Variants in BRINP2 observed in about 807,000 individuals in gnomAD.
BRINP2 encodes the protein BMP/retinoic acid-inducible neural-specific protein 2.
In BRINP2, 21 loss-of-function variants were observed where a neutral mutation model predicts 69.2. That is an observed-to-expected ratio of 0.30 (90% CI 0.22 to 0.44). BRINP2 has a LOEUF of 0.44. BRINP2 is among the 20% of genes least tolerant of loss of function. The pLI is 1.00. For synonymous variants in BRINP2, 380 were observed against 394.1 expected (o/e 0.96, Z 0.42); for missense variants, 877 against 986.0 (o/e 0.89, Z 1.48).
chr1:177,247,242 A>G (rs1328859010), intron 2 of BRINP2, among the ~76,000 whole-genome samples: 1 of 152,242 alleles, frequency 6.6e-6, no homozygotes, highest in Non-Finnish European at 1.5e-5. Context: ...GAAAATCAGC[A>G]GTGTGAAACT....
chr1:177,268,323 G>A (rs1342957081), intron 4 of BRINP2, among the ~76,000 whole-genome samples: 2 of 152,174 alleles, frequency 1.3e-5, no homozygotes, highest in Admixed American at 6.5e-5. Flanking sequence ...TCTTTTGTTG[G>A]TGCTACGACA....
At chr1:177,193,215 C>T (rs1453965624) in intron 1 of BRINP2, among the ~76,000 whole-genome samples, 1 of 149,552 alleles carries the variant, frequency 6.7e-6, no homozygotes, top group East Asian at 1.9e-4. Flanking sequence ...ACCTACCCTA[C>T]AGTCAGAAGC....
intron 1 of BRINP2, among the ~76,000 whole-genome samples, chr1:177,203,203 C>A (rs1223890843): frequency 2.0e-5 from 3 of 150,950 alleles, no homozygotes; most frequent in Non-Finnish European, 2.9e-5. Context: ...TGGAAACCAT[C>A]ATTCTCAGCA....
At chr1:177,258,095 A>C (rs2102348307) in intron 4 of BRINP2, among the ~76,000 whole-genome samples, 1 of 152,326 alleles carries the variant, frequency 6.6e-6, no homozygotes, top group South Asian at 2.1e-4. Context: ...GAGTAACATG[A>C]TCTCATGAGT....
chr1:177,214,512 A>C (rs2102313208), intron 1 of BRINP2, among the ~76,000 whole-genome samples: 1 of 152,358 alleles, frequency 6.6e-6, no homozygotes, highest in East Asian at 1.9e-4. Context: ...TAAATTCCAA[A>C]TGATGAACAC....
At chr1:177,263,762 A>G (rs974097970) in intron 4 of BRINP2, among the ~76,000 whole-genome samples, 1 of 152,146 alleles carries the variant, frequency 6.6e-6, no homozygotes, top group African/African-American at 2.4e-5. Context: ...GGTAGGGTAT[A>G]TTTGAGAGAC....
At position 177,281,917 on chromosome 1, in the gene BRINP2, GACA is replaced by G. The variant is rs562998570; in HGVS notation, c.*394_*396del. On this transcript the variant is annotated 3_prime_UTR_variant, in exon 8 of 8. Transcript: ENST00000361539. ...CTTGTCATTCAAGAAAGCAAGAGGG[GACA>G]ACAATGGGAGGGGTCGGAGCTCTTC... The G allele has an allele frequency of 1.5e-3, 257 of 165,886 alleles. No individual in the cohort carries two copies. The highest frequency in any genetic ancestry group is 5.9e-3 in the African/African-American group (247 of 41,988). 10.3% of individuals were successfully genotyped at this position (165,886 alleles called of 1,614,324 possible).
intron 1 of BRINP2, among the ~76,000 whole-genome samples, chr1:177,203,549 A>G (rs987374303): frequency 1.1e-4 from 16 of 152,278 alleles, no homozygotes; most frequent in Admixed American, 2.6e-4. Flanking sequence ...ACAATATGAA[A>G]TAAAGGAATG....
chr1:177,264,485 G>T (rs913752601), intron 4 of BRINP2, among the ~76,000 whole-genome samples: 2 of 152,198 alleles, frequency 1.3e-5, no homozygotes, highest in African/African-American at 4.8e-5. Flanking sequence ...AAGAAATAAA[G>T]CATATTCAAA....
At chr1:177,210,868 T>TC (rs1420699444) in intron 1 of BRINP2, among the ~76,000 whole-genome samples, 3 of 151,632 alleles carry the variant, frequency 2.0e-5, no homozygotes, top group Non-Finnish European at 2.9e-5. Flanking sequence ...GTCATAATTT[T>TC]CTTATACTGA....
intron 1 of BRINP2, among the ~76,000 whole-genome samples, chr1:177,205,827 C>T (rs1168950731): frequency 6.6e-6 from 1 of 152,176 alleles, no homozygotes; most frequent in Non-Finnish European, 1.5e-5. Flanking sequence ...GAAGTCTTCT[C>T]CTATGTGACA....
At chr1:177,207,682 G>T (rs1274253468) in intron 1 of BRINP2, among the ~76,000 whole-genome samples, 1 of 152,186 alleles carries the variant, frequency 6.6e-6, no homozygotes, top group Non-Finnish European at 1.5e-5. Flanking sequence ...CCAGATGTCA[G>T]TTGCCGACAT....
At chr1:177,246,508 A>C (rs966727202) in intron 2 of BRINP2, among the ~76,000 whole-genome samples, 3 of 152,232 alleles carry the variant, frequency 2.0e-5, no homozygotes, top group Non-Finnish European at 4.4e-5. Flanking sequence ...TGTGCAAAAA[A>C]CAGTTTGGAT....
chr1:177,227,635 T>C (rs902241001), intron 1 of BRINP2, among the ~76,000 whole-genome samples: 2 of 151,906 alleles, frequency 1.3e-5, no homozygotes, highest in African/African-American at 2.4e-5. Flanking sequence ...TGGTAATGCA[T>C]GCTTATTATA....
intron 1 of BRINP2, among the ~76,000 whole-genome samples, chr1:177,174,233 A>G (rs917243055): frequency 4.6e-5 from 7 of 152,190 alleles, no homozygotes; most frequent in Non-Finnish European, 8.8e-5. Context: ...CTGCTCCTGA[A>G]CCAACCCCAG....
intron 2 of BRINP2, among the ~76,000 whole-genome samples, chr1:177,253,330 G>C (rs915608529): frequency 6.6e-6 from 1 of 151,832 alleles, no homozygotes; most frequent in African/African-American, 2.4e-5. Flanking sequence ...ATACCTGCTG[G>C]CCATTTTTAT....
chr1:177,181,091 G>A (rs1242041463), intron 1 of BRINP2, among the ~76,000 whole-genome samples: 1 of 152,218 alleles, frequency 6.6e-6, no homozygotes, highest in East Asian at 1.9e-4. Context: ...AAAATAAAAT[G>A]GGTACAGAGA....
rs866094594 is a variant in BRINP2, at chr1:177,182,022, C to T, written c.-77+10290C>T. Among the ~76,000 whole-genome samples, 5 of 152,282 alleles carry T rather than the reference C, an allele frequency of 3.3e-5. No individual in the cohort carries two copies. The South Asian group carries it at 6.2e-4, about 19-fold the overall frequency. On this transcript the variant is annotated intron_variant, in intron 1 of 7. Transcript: ENST00000361539. ...AGCAGGGGAGCCATGTGTGCGTGCGCGTGTGCGGAGAAGGAATGGGGAGGG... is the reference window on the plus strand; with the variant it reads ...AGCAGGGGAGCCATGTGTGCGTGCGTGTGTGCGGAGAAGGAATGGGGAGGG...
intron 1 of BRINP2, among the ~76,000 whole-genome samples, chr1:177,182,817 G>C (rs1648299925): frequency 1.3e-5 from 2 of 152,154 alleles, no homozygotes; most frequent in African/African-American, 4.8e-5. Context: ...CTGTGAAATG[G>C]ATGTGGTACA....
Sources: allele counts gnomAD v4.1 joint callset (sites outside exome capture counted in the v4.1 genomes callset), GRCh38; gene constraint gnomAD v4.1.1; transcripts MANE v1.5; gene names NCBI Gene and HGNC (gene_info 2026-07-23, HGNC 2026-07-21).